GFM2: variants seen among roughly 807,000 people sequenced by gnomAD.
GFM2 encodes GTP dependent ribosome recycling factor mitochondrial 2.
A neutral mutation model predicts 95.4 loss-of-function variants in GFM2; 72 were observed. The observed-to-expected ratio is 0.76, with a 90% CI of 0.62 to 0.92. The LOEUF (loss-of-function observed/expected upper bound fraction) is 0.92, where lower values mean the gene tolerates loss of function less well. Among genes scored for constraint, GFM2 ranks in the 40% least tolerant of loss-of-function variants. GFM2 has a pLI of 0.00. For synonymous variants in GFM2, 276 were observed against 317.5 expected (o/e 0.87, Z 1.39); for missense variants, 825 against 924.1 (o/e 0.89, Z 1.39).
At chr5:74,749,682 A>T (rs1743593433) in intron 7 of GFM2, among the ~76,000 whole-genome samples, 1 of 152,204 alleles carries the variant, frequency 6.6e-6, no homozygotes, top group African/African-American at 2.4e-5. Context: ...CAATACTATT[A>T]TTGCATTCAG....
chr5:74,725,779 T>C (rs369990115), intron 18 of GFM2, 24 bp from the exon 19 acceptor site: 88 of 1,549,240 alleles, frequency 5.7e-5, no homozygotes, highest in Non-Finnish European at 7.6e-5. Flanking sequence ...AAAAATTGTA[T>C]CATACTCTGC....
Position 74,738,324 on chromosome 5 carries a change from A to C in GFM2, c.1314T>G (p.Leu438=). 6.2e-7 allele frequency: 1 copy of C among 1,610,598 alleles called. No homozygotes were observed. The highest frequency in any genetic ancestry group is 8.5e-7 in the Non-Finnish European group (1 of 1,177,996). ...AAATCATTTGGTCACTTACATGTTT[A>C]AGCCCAACAGTCAAAGCAATGTTAC... ...TAGNIALTVG[L]KHTATGDTIV... The change falls in exon 14 of 21, where the codon CTT becomes CTG. Residue 438 remains leucine (L), a synonymous_variant. Coordinates refer to ENST00000296805, the MANE Select transcript of GFM2 (RefSeq NM_032380.5).
Position 74,740,004 on chromosome 5 carries a change from C to G in GFM2, c.1064G>C (p.Arg355Pro). ...GCATACTTACAGAAATTCATAGTTA[C>G]GCTCTTCAGGTGAAGGTAAGTACAT... ...VTMYLPSPEE[R>P]NYEFLQWYKD... The change falls in exon 12 of 21, where the codon CGT becomes CCT. Residue 355 changes from arginine to proline, a missense_variant. Coordinates refer to ENST00000296805, the MANE Select transcript of GFM2 (RefSeq NM_032380.5). The G allele has an allele frequency of 1.3e-6, 2 of 1,550,942 alleles. No homozygotes were observed. Among genetic ancestry groups the G allele is most frequent in the Non-Finnish European group, 1.7e-6 (2 of 1,152,074 alleles).
chr5:74,766,354 G>C (rs534362650), intron 1 of GFM2, among the ~76,000 whole-genome samples: 15 of 152,304 alleles, frequency 9.8e-5, no homozygotes, highest in African/African-American at 3.6e-4. Flanking sequence ...TCAAATACAA[G>C]CACTAAGAAT....
At chr5:74,739,010 A>C (rs1472291927) in intron 12 of GFM2, among the ~76,000 whole-genome samples, 10 of 152,066 alleles carry the variant, frequency 6.6e-5, no homozygotes, top group Admixed American at 2.0e-4. Context: ...CTCTCCTTCC[A>C]CTTTCTGTCC....
intron 19 of GFM2, among the ~76,000 whole-genome samples, chr5:74,723,839 C>T (rs1354767960): frequency 6.6e-6 from 1 of 152,148 alleles, no homozygotes; most frequent in Non-Finnish European, 1.5e-5. Flanking sequence ...TCCCCAATTC[C>T]CTGCTTCCTA....
intron 4 of GFM2, 82 bp from the exon 5 acceptor site, chr5:74,759,028 T>C: frequency 1.2e-6 from 1 of 803,210 alleles, no homozygotes; most frequent in Non-Finnish European, 2.1e-6. Context: ...TCAAAGCTGG[T>C]ATTTCTATAA....
intron 15 of GFM2, chr5:74,736,330 C>T: frequency 1.0e-6 from 1 of 979,438 alleles, no homozygotes; most frequent in Non-Finnish European, 1.2e-6. Flanking sequence ...AAAATCTGAG[C>T]TAAAATGCTA....
intron 20 of GFM2, 43 bp from the exon 21 acceptor site, chr5:74,721,826 C>T (rs1344117922): frequency 6.4e-7 from 1 of 1,552,092 alleles, no homozygotes; most frequent in East Asian, 2.3e-5. Flanking sequence ...CAAATTTAAG[C>T]CTCAAGTTTC....
At chr5:74,752,792 G>A (rs915511624) in intron 5 of GFM2, among the ~76,000 whole-genome samples, 3 of 152,076 alleles carry the variant, frequency 2.0e-5, no homozygotes, top group East Asian at 1.9e-4. Context: ...AAAGATAGCC[G>A]TACAAAAACA....
chr5:74,765,749 C>G (rs1456546509), intron 1 of GFM2, among the ~76,000 whole-genome samples: 1 of 152,116 alleles, frequency 6.6e-6, no homozygotes, highest in Non-Finnish European at 1.5e-5. Flanking sequence ...GTAATTCCAG[C>G]ACTTTGGGAG....
In GFM2 at chr5:74,721,266, A is replaced by G; in HGVS notation, c.*389T>C. On this transcript the variant is annotated 3_prime_UTR_variant, in exon 21 of 21. Coordinates refer to ENST00000296805, the MANE Select transcript of GFM2 (RefSeq NM_032380.5). ...AATAAGATATTAGACTGTTTTTTGAATAAAATATTTTTATTGATTGAACCT... is the reference window on the plus strand; with the variant it reads ...AATAAGATATTAGACTGTTTTTTGAGTAAAATATTTTTATTGATTGAACCT... 1 of 1,065,902 alleles carries G rather than the reference A, an allele frequency of 9.4e-7. No individual in the cohort carries two copies. Among genetic ancestry groups the G allele is most frequent in the South Asian group, 1.3e-5 (1 of 77,658 alleles). The allele number at this position is 1,065,902 out of a possible 1,614,324, so 66.0% of individuals were successfully genotyped here. A position where few individuals can be genotyped will look rare whatever the true frequency, so the allele number is the denominator to read the frequency against.
chr5:74,759,421 T>C lies in GFM2; in HGVS notation c.154A>G (p.Ile52Val). The C allele has an allele frequency of 6.6e-7, 1 of 1,505,486 alleles. No homozygotes were observed. The allele number at this position is 1,505,486 out of a possible 1,614,324, so 93.3% of individuals were successfully genotyped here. The part of the protein sequence containing the change: ...GRNCSSLPGL[I>V]GNDIKSLHSI... Reference sequence around the variant, plus strand: ...TGAAGGGATTTGATATCATTTCCTATTAAGCCTAATGAAAAGAAAGTTAAA... The same window carrying C: ...TGAAGGGATTTGATATCATTTCCTACTAAGCCTAATGAAAAGAAAGTTAAA... Residue 52 changes from isoleucine to valine, a missense_variant, in exon 4 of 21, where the codon ATA (isoleucine) becomes GTA (valine). Physicochemically the swap from Ile to Val is conservative, Grantham distance 29. Coordinates refer to ENST00000296805, the MANE Select transcript of GFM2 (RefSeq NM_032380.5).
chr5:74,744,129 C>T (rs111561182), intron 10 of GFM2, among the ~76,000 whole-genome samples: 129 of 152,258 alleles, frequency 8.5e-4, no homozygotes, highest in African/African-American at 2.7e-3. Context: ...TAAACCTAGA[C>T]GGCATAGCCT....
chr5:74,759,091 A>G, intron 4 of GFM2, 145 bp from the exon 5 acceptor site: 1 of 622,562 alleles, frequency 1.6e-6, no homozygotes, highest in Admixed American at 2.9e-5. Flanking sequence ...GAGTATATCC[A>G]CATTACTCTG....
rs1491239283 is a variant in GFM2, at chr5:74,724,489, A to AC, written c.2028+1150dup. Among the ~76,000 whole-genome samples, 62 of 150,166 alleles carry AC rather than the reference A, an allele frequency of 4.1e-4. 1 individual carries two copies. Among genetic ancestry groups the AC allele is most frequent in the Non-Finnish European group, 4.7e-4 (32 of 67,570 alleles). On this transcript the variant is annotated intron_variant, in intron 19 of 20. Coordinates refer to ENST00000296805, the MANE Select transcript of GFM2 (RefSeq NM_032380.5). ...CTTGTCTCTTAAAAAAAAAAAAAAA[A>AC]CAATTTAAAAATTACTTGAGGGTGA...
intron 5 of GFM2, 77 bp downstream of exon 5, chr5:74,758,772 T>C (rs1344217925): frequency 1.0e-5 from 9 of 883,914 alleles, no homozygotes; most frequent in Admixed American, 1.8e-5. Context: ...GGTGTGTAAG[T>C]TGACTTGTTA....
chr5:74,756,654 A>G (rs1464389644), intron 5 of GFM2, among the ~76,000 whole-genome samples: 1 of 140,262 alleles, frequency 7.1e-6, no homozygotes, highest in East Asian at 2.0e-4. Context: ...CTAACAGTGT[A>G]AAGTGTGTGT....
At chr5:74,745,015 A>C (rs1407315929) in intron 10 of GFM2, among the ~76,000 whole-genome samples, 1 of 152,142 alleles carries the variant, frequency 6.6e-6, no homozygotes, top group Non-Finnish European at 1.5e-5. Context: ...TGTAAACCTA[A>C]GTTCTTTAAG....
Sources: gnomAD v4.1 joint callset for allele counts (sites outside exome capture counted in the v4.1 genomes callset) on GRCh38, gnomAD v4.1.1 for gene constraint, MANE v1.5 for transcripts, NCBI Gene and HGNC (gene_info 2026-07-23, HGNC 2026-07-21) for gene names.